Variants in GATB observed in about 807,000 individuals in gnomAD.
GATB encodes glutamyl-tRNA amidotransferase subunit B.
A neutral mutation model predicts 62.3 loss-of-function variants in GATB; 39 were observed. That is an observed-to-expected ratio of 0.63 (90% CI 0.48 to 0.82). The LOEUF (loss-of-function observed/expected upper bound fraction) is 0.82. Ranked by LOEUF, GATB falls within the 40% of genes least tolerant of loss-of-function variation. GATB has a pLI of 0.00. For synonymous variants in GATB, 276 were observed against 258.9 expected (o/e 1.07, Z -0.63); for missense variants, 670 against 684.0 (o/e 0.98, Z 0.23).
chr4:151,719,636 T>C, intron 2 of GATB, 98 bp from the exon 3 acceptor site: 1 of 716,988 alleles, frequency 1.4e-6, no homozygotes, highest in Non-Finnish European at 2.2e-6. Context: ...ACTTGGCCCT[T>C]CAACAGGCAT....
chr4:151,742,229 C>T (rs1310445060), intron 2 of GATB, among the ~76,000 whole-genome samples: 1 of 152,106 alleles, frequency 6.6e-6, no homozygotes, highest in Admixed American at 6.5e-5. Context: ...GCTGGGACTA[C>T]AGGCGCCCGC....
chr4:151,733,168 A>C (rs1739302895), intron 2 of GATB, among the ~76,000 whole-genome samples: 1 of 152,202 alleles, frequency 6.6e-6, no homozygotes, highest in Non-Finnish European at 1.5e-5. Flanking sequence ...CAAAAGATAA[A>C]TGAAACCAAA....
Position 151,753,728 on chromosome 4 carries a change from T to C in GATB, c.327+5044A>G, listed in dbSNP as rs1048710583. Among the ~76,000 whole-genome samples, 5 of 152,210 alleles carry C rather than the reference T, an allele frequency of 3.3e-5. No individual in the cohort carries two copies. In the East Asian group the frequency reaches 7.7e-4, roughly 23 times the overall value. Reference sequence around the variant, plus strand: ...CATGAGATCTATCCTCTTAAACACATTTTAAGTGTACACTATCATAGACTA... The same window carrying C: ...CATGAGATCTATCCTCTTAAACACACTTTAAGTGTACACTATCATAGACTA... On this transcript the variant is annotated intron_variant, in intron 2 of 12. Transcript: ENST00000263985.
intron 7 of GATB, among the ~76,000 whole-genome samples, chr4:151,704,107 A>C (rs1435050837): frequency 6.6e-6 from 1 of 151,380 alleles, no homozygotes; most frequent in Non-Finnish European, 1.5e-5. Context: ...AAAGGAAATG[A>C]CTTCAATGTA....
intron 3 of GATB, among the ~76,000 whole-genome samples, chr4:151,718,412 A>G (rs781641582): frequency 1.3e-5 from 2 of 152,242 alleles, no homozygotes; most frequent in Non-Finnish European, 2.9e-5. Flanking sequence ...CAGAAAGACC[A>G]GAAAGCCACA....
At chr4:151,687,670 G>A (rs1028433412) in intron 10 of GATB, among the ~76,000 whole-genome samples, 5 of 152,194 alleles carry the variant, frequency 3.3e-5, no homozygotes, top group African/African-American at 1.2e-4. Flanking sequence ...TCTAGAAGAG[G>A]TCACGAGGGT....
At chr4:151,686,694 C>T (rs949412856) in intron 10 of GATB, among the ~76,000 whole-genome samples, 1 of 129,358 alleles carries the variant, frequency 7.7e-6, no homozygotes, top group Non-Finnish European at 1.6e-5. Context: ...CCTTCTACTT[C>T]TGTGCCATCG....
intron 9 of GATB, among the ~76,000 whole-genome samples, chr4:151,692,122 A>G (rs2126962929): frequency 6.6e-6 from 1 of 152,288 alleles, no homozygotes; most frequent in East Asian, 1.9e-4. Context: ...CTCTCTCCAC[A>G]TTACCTCAAT....
intron 9 of GATB, among the ~76,000 whole-genome samples, chr4:151,689,450 C>T (rs745893431): frequency 9.9e-5 from 15 of 152,110 alleles, no homozygotes; most frequent in Admixed American, 2.0e-4. Flanking sequence ...TGCCTCTCAT[C>T]GTTTCCTGGG....
At chr4:151,700,157 C>T (rs543455756) in intron 9 of GATB, among the ~76,000 whole-genome samples, 3 of 152,276 alleles carry the variant, frequency 2.0e-5, no homozygotes, top group South Asian at 2.1e-4. Flanking sequence ...GTGCTCTGTA[C>T]GGAATGCTGA....
At chr4:151,716,690 T>A (rs979614521) in intron 4 of GATB, among the ~76,000 whole-genome samples, 186 bp downstream of exon 4, 1 of 152,174 alleles carries the variant, frequency 6.6e-6, no homozygotes, top group Non-Finnish European at 1.5e-5. Flanking sequence ...AGCCTAATAA[T>A]TACAGTTCAA....
intron 2 of GATB, among the ~76,000 whole-genome samples, chr4:151,727,050 G>A (rs558543792): frequency 3.3e-5 from 5 of 152,250 alleles, no homozygotes; most frequent in South Asian, 4.2e-4. Context: ...CCGAATAGCT[G>A]GGACCACAGG....
At chr4:151,703,041 A>G (rs1469193988) in intron 8 of GATB, 2 of 152,338 alleles carry the variant, frequency 1.3e-5, no homozygotes, top group Non-Finnish European at 2.9e-5. Flanking sequence ...GGAGGGAGCA[A>G]CACTCAGGAA....
Position 151,719,521 on chromosome 4 carries a change from A to C in GATB, c.345T>G (p.Cys115Trp), listed in dbSNP as rs1738985873. The change falls in exon 3 of 13, where the codon TGT becomes TGG. Residue 115 changes from cysteine to tryptophan, a missense_variant. Physicochemically the swap from Cys to Trp is radical, Grantham distance 215 (BLOSUM62 -2). Coordinates refer to ENST00000263985, the MANE Select transcript of GATB (RefSeq NM_004564.3). ...GGCCTGTCATCACCGCCGCTTCTAC[A>C]CACCTCCTGTTGAGAACCTATGGGA... The part of the protein sequence containing the change: ...PGTLPVLNRR[C>W]VEAAVMTGLA... The C allele has an allele frequency of 6.2e-7, 1 of 1,608,294 alleles. No homozygotes were observed. The highest frequency in any genetic ancestry group is 8.5e-7 in the Non-Finnish European group (1 of 1,177,396).
intron 2 of GATB, among the ~76,000 whole-genome samples, chr4:151,732,885 A>C (rs1354153629): frequency 6.6e-6 from 1 of 151,906 alleles, no homozygotes; most frequent in Non-Finnish European, 1.5e-5. Context: ...AAAAACTAAA[A>C]AATTCAGGAA....
intron 11 of GATB, among the ~76,000 whole-genome samples, chr4:151,679,047 T>C (rs1157750486): frequency 6.6e-6 from 1 of 152,136 alleles, no homozygotes; most frequent in Non-Finnish European, 1.5e-5. Context: ...AGGTGCCCGC[T>C]GCCACACTCA....
chr4:151,739,594 T>G (rs1739445780), intron 2 of GATB, among the ~76,000 whole-genome samples: 1 of 152,158 alleles, frequency 6.6e-6, no homozygotes, highest in South Asian at 2.1e-4. Context: ...CTACTTGCAG[T>G]ATAAACAAAG....
At chr4:151,699,663 C>T (rs907297169) in intron 9 of GATB, among the ~76,000 whole-genome samples, 2 of 152,140 alleles carry the variant, frequency 1.3e-5, no homozygotes, top group Non-Finnish European at 2.9e-5. Flanking sequence ...GAGTGACAAT[C>T]CTATGGAAAT....
rs551943647 is a variant in GATB at position 151,760,728 on chromosome 4, G to A, written c.176+79C>T. On this transcript the variant is annotated intron_variant, in intron 1 of 12. Coordinates refer to ENST00000263985, the MANE Select transcript of GATB (RefSeq NM_004564.3). ...CGTCAGCCAAAACGTCTAGAAGCTGGGCCGTAATTGCCATTATTTCCCCAG... is the reference window on the plus strand; with the variant it reads ...CGTCAGCCAAAACGTCTAGAAGCTGAGCCGTAATTGCCATTATTTCCCCAG... The A allele has an allele frequency of 3.4e-3, 4,596 of 1,336,480 alleles. 4 individuals are homozygous for A. The highest frequency in any genetic ancestry group is 4.0e-3 in the Non-Finnish European group (3,995 of 994,124). The allele number at this position is 1,336,480 out of a possible 1,614,324, so 82.8% of individuals were successfully genotyped here.
Sources: gnomAD v4.1 joint callset for allele counts (sites outside exome capture counted in the v4.1 genomes callset) on GRCh38, gnomAD v4.1.1 for gene constraint, MANE v1.5 for transcripts, NCBI Gene and HGNC (gene_info 2026-07-23, HGNC 2026-07-21) for gene names.